Variants in TRMT9B observed in about 807,000 individuals in gnomAD.
The protein encoded by TRMT9B is probable tRNA methyltransferase 9B.
TRMT9B carries 16 observed loss-of-function variants against 11.5 expected under a neutral mutation model. That is an observed-to-expected ratio of 1.39 (90% confidence interval 0.94 to 2.11). The LOEUF is 2.11. Among genes scored for constraint, TRMT9B ranks in the 30% most tolerant of loss-of-function variants. TRMT9B has a pLI of 0.00. For synonymous variants in TRMT9B, 274 were observed against 192.4 expected (o/e 1.42, Z -3.51); for missense variants, 941 against 553.8 (o/e 1.70, Z -7.02).
chr8:13,003,225 G>A (rs189601228), intron 2 of TRMT9B, among the ~76,000 whole-genome samples: 2 of 152,246 alleles, frequency 1.3e-5, no homozygotes, highest in African/African-American at 4.8e-5. Context: ...GCCATCAGTA[G>A]GGCCAAATGA....
intron 1 of TRMT9B, among the ~76,000 whole-genome samples, chr8:12,989,085 T>G (rs1046117136): frequency 2.0e-5 from 3 of 152,166 alleles, no homozygotes; most frequent in Admixed American, 2.0e-4. Context: ...GAAATTTTTT[T>G]TTTTTCAAAA....
chr8:12,983,370 T>C (rs1805728242), intron 1 of TRMT9B, among the ~76,000 whole-genome samples: 1 of 152,036 alleles, frequency 6.6e-6, no homozygotes, highest in African/African-American at 2.4e-5. Context: ...GGAAATATTT[T>C]TTAAAAGCCA....
intron 1 of TRMT9B, among the ~76,000 whole-genome samples, chr8:12,978,872 T>C (rs1804892213): frequency 6.6e-6 from 1 of 152,234 alleles, no homozygotes; most frequent in South Asian, 2.1e-4. Flanking sequence ...ATATAGTCTA[T>C]AATTACATTT....
chr8:12,951,029 C>T (rs771126450), intron 1 of TRMT9B, among the ~76,000 whole-genome samples: 1 of 152,186 alleles, frequency 6.6e-6, no homozygotes, highest in Non-Finnish European at 1.5e-5. Context: ...TGATAATAGG[C>T]GGTTGAAGAT....
At position 13,025,317 on chromosome 8, in the gene TRMT9B, G is replaced by A. The variant is rs1219119157; in HGVS notation, c.*3273G>A. The A allele has an allele frequency of 1.2e-5, 2 of 166,194 alleles. No individual in the cohort carries two copies. Among genetic ancestry groups the A allele is most frequent in the Non-Finnish European group, 2.9e-5 (2 of 68,214 alleles). The allele number at this position is 166,194 out of a possible 1,614,324, so 10.3% of individuals were successfully genotyped here. On this transcript the variant is annotated 3_prime_UTR_variant, in exon 5 of 5. Coordinates refer to ENST00000524591, the MANE Select transcript of TRMT9B (RefSeq NM_020844.3). ...GTGGATCAGCTGAGGTCAGGAGTTT[G>A]AGACCAGCCTGACCAACATGGTGAA...
intron 3 of TRMT9B, chr8:13,010,240 G>A: frequency 2.3e-6 from 2 of 882,454 alleles, no homozygotes; most frequent in Non-Finnish European, 2.7e-6. Context: ...TGTATCTTTT[G>A]AATTTTGTAC....
At chr8:12,978,512 GATA>G (rs1804812651) in intron 1 of TRMT9B, among the ~76,000 whole-genome samples, 1 of 11,858 alleles carries the variant, frequency 8.4e-5, no homozygotes, top group East Asian at 2.1e-3. Flanking sequence ...ACAGATGATA[GATA>G]GATGATAGAT....
At chr8:12,977,504 C>A (rs1425483684) in intron 1 of TRMT9B, among the ~76,000 whole-genome samples, 1 of 151,932 alleles carries the variant, frequency 6.6e-6, no homozygotes, top group Non-Finnish European at 1.5e-5. Flanking sequence ...AAATCGAGAC[C>A]ATCCCGGCCA....
intron 1 of TRMT9B, among the ~76,000 whole-genome samples, chr8:12,953,508 C>T (rs762922779): frequency 3.9e-5 from 6 of 152,122 alleles, no homozygotes; most frequent in African/African-American, 4.8e-5. Context: ...AACCACCATG[C>T]CCAGCTAATT....
chr8:13,027,198 G>T lies in TRMT9B; in HGVS notation c.*5154G>T, dbSNP rs545338640. The T allele has an allele frequency of 1.8e-5, 3 of 167,154 alleles. No individual in the cohort carries two copies. The highest frequency in any genetic ancestry group is 4.1e-4 in the South Asian group (2 of 4,824). The allele number at this position is 167,154 out of a possible 1,614,324, so 10.4% of individuals were successfully genotyped here. A position where few individuals can be genotyped will look rare whatever the true frequency, so the allele number is the denominator to read the frequency against. On this transcript the variant is annotated 3_prime_UTR_variant, in exon 5 of 5. Coordinates refer to ENST00000524591, the MANE Select transcript of TRMT9B (RefSeq NM_020844.3). ...GTGTGCTGGATACATATGATACAAG[G>T]TAATGACTATCTGGCATCTTGAAGG...
chr8:13,006,652 C>G (rs938617303), intron 3 of TRMT9B: 2 of 1,349,020 alleles, frequency 1.5e-6, no homozygotes, highest in South Asian at 2.3e-5. Context: ...AAGTAAAAAA[C>G]TTTCTCAAAC....
chr8:12,965,947 A>C (rs1238832931), intron 1 of TRMT9B, among the ~76,000 whole-genome samples: 1 of 151,872 alleles, frequency 6.6e-6, no homozygotes, highest in Admixed American at 6.6e-5. Flanking sequence ...TGGGAGGCGG[A>C]AGTAGTAGTG....
At chr8:12,959,248 T>G (rs369751373) in intron 1 of TRMT9B, among the ~76,000 whole-genome samples, 3 of 152,228 alleles carry the variant, frequency 2.0e-5, no homozygotes, top group East Asian at 3.9e-4. Flanking sequence ...TATCCAAAAA[T>G]TTTTGAGCAC....
chr8:12,992,296 G>A (rs984065158), intron 2 of TRMT9B, among the ~76,000 whole-genome samples: 2 of 152,166 alleles, frequency 1.3e-5, no homozygotes, highest in Non-Finnish European at 1.5e-5. Context: ...ATACAGAGTT[G>A]AGAGTTCATG....
At position 13,025,760 on chromosome 8, in the gene TRMT9B, G is replaced by C. The variant is rs60376607; in HGVS notation, c.*3716G>C. 7.8e-5 allele frequency: 13 copies of C among 167,000 alleles called. No individual in the cohort carries two copies. The highest frequency in any genetic ancestry group is 2.9e-4 in the African/African-American group (12 of 41,546). 10.3% of individuals were successfully genotyped at this position (167,000 alleles called of 1,614,324 possible). On this transcript the variant is annotated 3_prime_UTR_variant, in exon 5 of 5. Coordinates refer to ENST00000524591, the MANE Select transcript of TRMT9B (RefSeq NM_020844.3). ...TAGCTACACAAACGTCTTGGAGTTT[G>C]GTTTCGTTCTCTTTTCTCATCATAG... is the stretch of plus-strand genomic sequence containing the variant.
chr8:12,963,607 C>T (rs34882382), intron 1 of TRMT9B, among the ~76,000 whole-genome samples: 5,971 of 151,856 alleles, frequency 0.039, 152 homozygotes, highest in African/African-American at 0.072. Context: ...ATTAGCCTGG[C>T]GGTGGTGGAG....
chr8:13,013,449 G>T lies in TRMT9B; in HGVS notation c.328+592G>T, dbSNP rs2128895424. ...TTTCTCATATCCTCCCAACAAGTGTGACCAGAAAACACACATGCCAAAAAA... is the reference window on the plus strand; with the variant it reads ...TTTCTCATATCCTCCCAACAAGTGTTACCAGAAAACACACATGCCAAAAAA... On this transcript the variant is annotated intron_variant, in intron 4 of 4. Coordinates refer to ENST00000524591, the MANE Select transcript of TRMT9B (RefSeq NM_020844.3). 1.3e-5 allele frequency among the ~76,000 whole-genome samples: 2 copies of T among 152,190 alleles called. 1 individual carries two copies. The highest frequency in any genetic ancestry group is 6.8e-3 in the Middle Eastern group (2 of 294).
chr8:13,022,627 A>T lies in TRMT9B; in HGVS notation c.*583A>T, dbSNP rs1444268517. On this transcript the variant is annotated 3_prime_UTR_variant, in exon 5 of 5. Transcript: ENST00000524591. Reference sequence around the variant, plus strand: ...AGTTTTACAAGGACTTTACTAAATTATAAGCAAACTTGCTTCAAAATAAGT... The same window carrying T: ...AGTTTTACAAGGACTTTACTAAATTTTAAGCAAACTTGCTTCAAAATAAGT... 1 of 167,148 alleles carries T rather than the reference A, an allele frequency of 6.0e-6. No individual in the cohort carries two copies. The highest frequency in any genetic ancestry group is 1.9e-4 in the East Asian group (1 of 5,206). The allele number at this position is 167,148 out of a possible 1,614,324, so 10.4% of individuals were successfully genotyped here. A position where few individuals can be genotyped will look rare whatever the true frequency, so the allele number is the denominator to read the frequency against.
At chr8:12,947,597 G>A (rs923347286) in intron 1 of TRMT9B, among the ~76,000 whole-genome samples, 12 of 152,226 alleles carry the variant, frequency 7.9e-5, no homozygotes, top group African/African-American at 2.9e-4. Context: ...GGCAACACAT[G>A]CATATTAATG....
Sources: allele counts gnomAD v4.1 joint callset (sites outside exome capture counted in the v4.1 genomes callset), GRCh38; gene constraint gnomAD v4.1.1; transcripts MANE v1.5; gene names NCBI Gene and HGNC (gene_info 2026-07-23, HGNC 2026-07-21).